Variants in ATF2 observed in about 807,000 individuals in gnomAD.
ATF2 encodes activating transcription factor 2.
ATF2 carries 24 observed loss-of-function variants against 60.6 expected under a neutral mutation model. The ratio of observed to expected loss-of-function variants is 0.40; its 90% confidence interval spans 0.29 to 0.56. ATF2 has a LOEUF of 0.56. ATF2 is among the 20% of genes least tolerant of loss of function. ATF2 has a pLI of 0.54. For synonymous variants in ATF2, 206 were observed against 215.4 expected, an observed-to-expected ratio of 0.96 and a Z score of 0.38; for missense variants, 433 against 607.7, an observed-to-expected ratio of 0.71 and a Z score of 3.02.
At chr2:175,156,864 G>A (rs1023636766) in intron 1 of ATF2, among the ~76,000 whole-genome samples, 2 of 152,168 alleles carry the variant, frequency 1.3e-5, no homozygotes, top group Non-Finnish European at 2.9e-5. Flanking sequence ...TTAAGTAGGT[G>A]GTAATGTATG....
intron 2 of ATF2, among the ~76,000 whole-genome samples, chr2:175,141,653 C>T (rs1346548325): frequency 2.6e-5 from 4 of 151,776 alleles, no homozygotes; most frequent in South Asian, 2.1e-4. Flanking sequence ...CCACCATGCC[C>T]GGCTAATTTT....
At chr2:175,135,210 T>G (rs1574453139) in intron 3 of ATF2, among the ~76,000 whole-genome samples, 1 of 152,060 alleles carries the variant, frequency 6.6e-6, no homozygotes, top group South Asian at 2.1e-4. Context: ...TTAAAACCAT[T>G]AGGAGAAAAG....
At chr2:175,156,034 GT>G (rs1263725914) in intron 1 of ATF2, among the ~76,000 whole-genome samples, 2 of 151,968 alleles carry the variant, frequency 1.3e-5, no homozygotes, top group African/African-American at 2.4e-5. Flanking sequence ...CTGTTAATAG[GT>G]TACCTTCCAC....
chr2:175,114,601 T>C lies in ATF2; in HGVS notation c.626+89A>G, dbSNP rs1252065404. 2.0e-6 allele frequency: 3 copies of C among 1,527,450 alleles called. No homozygotes were observed. In the African/African-American group the frequency reaches 4.1e-5, roughly 21 times the overall value. The allele number at this position is 1,527,450 out of a possible 1,614,324, so 94.6% of individuals were successfully genotyped here. A position where few individuals can be genotyped will look rare whatever the true frequency, so the allele number is the denominator to read the frequency against. The stretch of plus-strand genomic sequence containing the variant: ...GCACACACATACAAAACTAAGATCT[T>C]AGTTTGAATAATCAAATGTCTTAGG... On this transcript the variant is annotated intron_variant, in intron 8 of 13. Transcript: ENST00000264110.
intron 13 of ATF2, among the ~76,000 whole-genome samples, chr2:175,077,490 C>G (rs1693419353): frequency 6.6e-6 from 1 of 152,166 alleles, no homozygotes; most frequent in Admixed American, 6.5e-5. Flanking sequence ...GATCACCATT[C>G]TAACTTCACC....
chr2:175,088,025 A>G (rs1484696800), intron 12 of ATF2, among the ~76,000 whole-genome samples: 1 of 152,206 alleles, frequency 6.6e-6, no homozygotes, highest in Non-Finnish European at 1.5e-5. Flanking sequence ...TAATGACAGA[A>G]TGAAAAATAA....
chr2:175,142,826 AAG>A (rs144720704), intron 2 of ATF2, among the ~76,000 whole-genome samples: 9,503 of 146,874 alleles, frequency 0.065, 319 homozygotes, highest in Middle Eastern at 0.1. Context: ...GCGAGCGAGC[AAG>A]AGAGAGAGTG....
At chr2:175,116,031 G>A (rs1046635375) in intron 7 of ATF2, among the ~76,000 whole-genome samples, 2 of 152,122 alleles carry the variant, frequency 1.3e-5, no homozygotes, top group Non-Finnish European at 2.9e-5. Context: ...GAACACAATA[G>A]AGAGGCATGA....
intron 9 of ATF2, among the ~76,000 whole-genome samples, chr2:175,113,302 T>G (rs1441595023): frequency 6.6e-6 from 1 of 151,602 alleles, no homozygotes; most frequent in East Asian, 1.9e-4. Context: ...GGTCTTGCCC[T>G]GTCATCCAGG....
chr2:175,160,103 G>A (rs1040325044), intron 1 of ATF2, among the ~76,000 whole-genome samples: 3 of 152,132 alleles, frequency 2.0e-5, no homozygotes, highest in Non-Finnish European at 2.9e-5. Flanking sequence ...ATACACTACC[G>A]GCTTGGTGTG....
rs73033973 is a variant in ATF2 at position 175,077,994 on chromosome 2, G to C, written c.1291+2666C>G. Among the ~76,000 whole-genome samples, 541 of 152,248 alleles carry C rather than the reference G, an allele frequency of 3.6e-3. 4 individuals are homozygous for C. The highest frequency in any genetic ancestry group is 0.012 in the African/African-American group (504 of 41,550). On this transcript the variant is annotated intron_variant, in intron 13 of 13. Coordinates refer to ENST00000264110, the MANE Select transcript of ATF2 (RefSeq NM_001880.4). ...AAGTTTCTTTTCCTTATTTGAGATA[G>C]GGTCTCCCTGTCGCCCAGGCTGGAG...
intron 1 of ATF2, among the ~76,000 whole-genome samples, chr2:175,166,779 A>T (rs998596498): frequency 6.6e-6 from 1 of 152,224 alleles, no homozygotes; most frequent in Non-Finnish European, 1.5e-5. Context: ...AGTGTGCTCA[A>T]AGAAAGTCAG....
intron 12 of ATF2, among the ~76,000 whole-genome samples, chr2:175,089,608 G>A (rs1186598489): frequency 1.3e-5 from 2 of 152,156 alleles, no homozygotes; most frequent in Non-Finnish European, 2.9e-5. Context: ...CGGTTTTGCT[G>A]TTGGCAGACT....
chr2:175,102,960 T>C (rs1318858565), intron 10 of ATF2, among the ~76,000 whole-genome samples: 1 of 152,208 alleles, frequency 6.6e-6, no homozygotes, highest in Non-Finnish European at 1.5e-5. Flanking sequence ...TGAAAACTCT[T>C]TTTCTTAGAG....
At chr2:175,165,622 A>G (rs1269512157) in intron 1 of ATF2, among the ~76,000 whole-genome samples, 1 of 152,212 alleles carries the variant, frequency 6.6e-6, no homozygotes, top group Non-Finnish European at 1.5e-5. Flanking sequence ...CTGAATACCA[A>G]TAAAGACCAC....
chr2:175,083,344 A>G (rs965540570), intron 12 of ATF2, among the ~76,000 whole-genome samples: 7 of 152,184 alleles, frequency 4.6e-5, no homozygotes, highest in Non-Finnish European at 7.3e-5. Context: ...ATAACGCCGC[A>G]TATGTACAAC....
chr2:175,102,848 T>A (rs1695399925), intron 10 of ATF2, among the ~76,000 whole-genome samples: 1 of 152,158 alleles, frequency 6.6e-6, no homozygotes, highest in South Asian at 2.1e-4. Context: ...AAAGTAAAGG[T>A]AGACTTTGTT....
rs1459517712 is a variant in ATF2 at position 175,082,662 on chromosome 2, T to C, written c.1186-1897A>G. Reference sequence around the variant, plus strand: ...AACTCTCACTGCTCTTCCAACATACTCTATCCTTTAACACCAAACACTAGT... The same window carrying C: ...AACTCTCACTGCTCTTCCAACATACCCTATCCTTTAACACCAAACACTAGT... On this transcript the variant is annotated intron_variant, in intron 12 of 13. Transcript: ENST00000264110. 2.0e-5 allele frequency among the ~76,000 whole-genome samples: 3 copies of C among 152,164 alleles called. 1 individual carries two copies. The highest frequency in any genetic ancestry group is 7.2e-5 in the African/African-American group (3 of 41,438).
intron 1 of ATF2, among the ~76,000 whole-genome samples, chr2:175,157,801 TG>T (rs1171181389): frequency 6.6e-6 from 1 of 152,094 alleles, no homozygotes; most frequent in Non-Finnish European, 1.5e-5. Flanking sequence ...AAGACCAGCC[TG>T]GCCAAGATGG....
Sources: allele counts gnomAD v4.1 joint callset (sites outside exome capture counted in the v4.1 genomes callset), GRCh38; gene constraint gnomAD v4.1.1; transcripts MANE v1.5; gene names NCBI Gene and HGNC (gene_info 2026-07-23, HGNC 2026-07-21).